Variants in RPL28 observed in about 807,000 individuals in gnomAD.
The protein encoded by RPL28 is large ribosomal subunit protein eL28.
RPL28 carries 4 observed loss-of-function variants against 12.5 expected under a neutral mutation model. The ratio of observed to expected loss-of-function variants is 0.32; its 90% confidence interval spans 0.16 to 0.73. The LOEUF (loss-of-function observed/expected upper bound fraction) is 0.73, where lower values mean the gene tolerates loss of function less well. RPL28 is among the 30% of genes least tolerant of loss of function. The pLI is 0.66. For synonymous variants in RPL28, 91 were observed against 72.5 expected, an observed-to-expected ratio of 1.26 and a Z score of -1.30; for missense variants, 214 against 197.7, an observed-to-expected ratio of 1.08 and a Z score of -0.49.
downstream of RPL28, chr19:55,403,296 C>A: frequency 1.8e-6 from 1 of 571,368 alleles, no homozygotes; most frequent in Non-Finnish European, 3.1e-6. Context: ...AGCAAAAAAG[C>A]CTCTAATGAG....
intron 3 of RPL28, chr19:55,387,545 A>T: frequency 7.0e-7 from 1 of 1,430,658 alleles, no homozygotes; most frequent in Non-Finnish European, 9.1e-7. Context: ...CTCTCAGCCA[A>T]GCTGATGTTG....
In RPL28 at chr19:55,389,704, C is replaced by T. The variant is rs1030795281; in HGVS notation, c.*1372C>T. ...AGCAGATCTGACCACTTGCCAGCCC[C>T]TGTCTGCTGTGAATTACCATTTCCT... On this transcript the variant is annotated 3_prime_UTR_variant, in exon 5 of 5. Transcript: ENST00000344063. The T allele has an allele frequency of 5.1e-6, 5 of 982,668 alleles. No individual in the cohort carries two copies. In the Admixed American group the frequency reaches 1.8e-4, roughly 36 times the overall value. The allele number at this position is 982,668 out of a possible 1,614,324, so 60.9% of individuals were successfully genotyped here.
At chr19:55,395,088 A>G (rs929319282), downstream of RPL28, among the ~76,000 whole-genome samples, 7 of 152,186 alleles carry the variant, frequency 4.6e-5, no homozygotes, top group African/African-American at 1.4e-4. Flanking sequence ...GAGTTGGAAT[A>G]CCATGTGATG....
At chr19:55,393,990 C>T (rs535936446), downstream of RPL28, among the ~76,000 whole-genome samples, 31 of 148,932 alleles carry the variant, frequency 2.1e-4, no homozygotes, top group East Asian at 4.7e-3. Flanking sequence ...CAGCTGGGTA[C>T]GGTGGCTCAC....
downstream of RPL28, among the ~76,000 whole-genome samples, chr19:55,395,107 CCTTT>C (rs756562393): frequency 1.7e-4 from 26 of 152,004 alleles, no homozygotes; most frequent in Non-Finnish European, 3.1e-4. Flanking sequence ...TGAATATTAG[CCTTT>C]CTTTTTTTTC....
At chr19:55,401,625 C>G (rs1358076881) in intron 4 of RPL28, 1 of 1,605,228 alleles carries the variant, frequency 6.2e-7, no homozygotes, top group Admixed American at 1.7e-5. Flanking sequence ...TGCCGCTGGG[C>G]CCGCCGGCGC....
At chr19:55,401,670 C>T (rs7608) in intron 4 of RPL28, 1,047,479 of 1,591,758 alleles carry the variant, frequency 0.66, 344,312 homozygotes, top group Non-Finnish European at 0.68. Flanking sequence ...GGGCCCGAGC[C>T]GCATACTCCT....
At chr19:55,396,481 C>T (rs1235724368), downstream of RPL28, among the ~76,000 whole-genome samples, 83 of 13,158 alleles carry the variant, frequency 6.3e-3, 6 homozygotes, top group African/African-American at 0.04. Context: ...AAGTTCTCCC[C>T]CCTCCCCTCC....
At chr19:55,388,189 G>C (rs760798767) in intron 4 of RPL28, 54 bp from the exon 5 acceptor site, 11 of 1,514,632 alleles carry the variant, frequency 7.3e-6, no homozygotes, top group Non-Finnish European at 9.8e-6. Context: ...ATTGGCCTAG[G>C]GGGCGGCTTG....
downstream of RPL28, among the ~76,000 whole-genome samples, chr19:55,396,477 T>TCCCCCCCCCCCCCCCCCC (rs112754863): frequency 1.6e-4 from 2 of 12,882 alleles, no homozygotes; most frequent in Admixed American, 9.5e-4. Flanking sequence ...AGGAAAGTTC[T>TCCCCCCCCCCCCCCCCCC]CCCCCCTCCC....
intron 3 of RPL28, 98 bp from the exon 4 acceptor site, chr19:55,387,832 T>A: frequency 6.7e-7 from 1 of 1,485,788 alleles, no homozygotes; most frequent in Non-Finnish European, 8.9e-7. Context: ...GGGCCCACGC[T>A]GCTCAGCTTC....
rs553404100 is a variant in RPL28, at chr19:55,388,377, G to T, written c.*45G>T. On this transcript the variant is annotated 3_prime_UTR_variant, in exon 5 of 5. Transcript: ENST00000344063. ...ATAAAGTCAGCTGGCTTTCTCACCTGCCTCGACTGGGCCTCCCTTTTTGAA... is the reference window on the plus strand; with the variant it reads ...ATAAAGTCAGCTGGCTTTCTCACCTTCCTCGACTGGGCCTCCCTTTTTGAA... 1 of 1,436,736 alleles carries T rather than the reference G, an allele frequency of 7.0e-7. No individual in the cohort carries two copies. Among genetic ancestry groups the T allele is most frequent in the Non-Finnish European group, 9.2e-7 (1 of 1,091,884 alleles). The allele number at this position is 1,436,736 out of a possible 1,614,324, so 89.0% of individuals were successfully genotyped here. A position where few individuals can be genotyped will look rare whatever the true frequency, so the allele number is the denominator to read the frequency against.
chr19:55,390,855 A>C lies in RPL28; in HGVS notation c.*2523A>C. On this transcript the variant is annotated 3_prime_UTR_variant, in exon 5 of 5. Coordinates refer to ENST00000344063, the MANE Select transcript of RPL28 (RefSeq NM_000991.5). ...CAGTGTGCTGAGCAAACGTGGAGAC[A>C]CCATTTCCCTCCTCTAGACCTCATC... is the stretch of plus-strand genomic sequence containing the variant. 2.0e-6 allele frequency: 2 copies of C among 985,382 alleles called. No individual in the cohort carries two copies. The highest frequency in any genetic ancestry group is 2.4e-6 in the Non-Finnish European group (2 of 829,908). 61.0% of individuals were successfully genotyped at this position (985,382 alleles called of 1,614,324 possible). A position where few individuals can be genotyped will look rare whatever the true frequency, so the allele number is the denominator to read the frequency against.
chr19:55,395,351 G>A (rs943841877), downstream of RPL28, among the ~76,000 whole-genome samples: 1 of 151,798 alleles, frequency 6.6e-6, no homozygotes, highest in Non-Finnish European at 1.5e-5. Flanking sequence ...GGCCAGGCTG[G>A]TCTTGAACTG....
In RPL28 at chr19:55,389,369, G is replaced by A; in HGVS notation, c.*1037G>A. 1.0e-6 allele frequency: 1 copy of A among 985,170 alleles called. No homozygotes were observed. Among genetic ancestry groups the A allele is most frequent in the Non-Finnish European group, 1.2e-6 (1 of 829,834 alleles). 61.0% of individuals were successfully genotyped at this position (985,170 alleles called of 1,614,324 possible). A position where few individuals can be genotyped will look rare whatever the true frequency, so the allele number is the denominator to read the frequency against. ...CCATGACACACAGTGAGGCCTGGAT[G>A]GGGAAAGAGTCCTGCTGTTGATCCT... On this transcript the variant is annotated 3_prime_UTR_variant, in exon 5 of 5. Coordinates refer to ENST00000344063, the MANE Select transcript of RPL28 (RefSeq NM_000991.5).
chr19:55,395,012 T>C (rs114852088), downstream of RPL28, among the ~76,000 whole-genome samples: 581 of 152,354 alleles, frequency 3.8e-3, 6 homozygotes, highest in African/African-American at 0.013. Context: ...GCATGTGTAT[T>C]TGCTTGTATA....
intron 3 of RPL28, chr19:55,386,934 G>A (rs1240601837): frequency 4.8e-6 from 7 of 1,472,566 alleles, no homozygotes; most frequent in Admixed American, 2.6e-5. Flanking sequence ...GAACTTCCTC[G>A]GTGGTTGTTG....
chr19:55,395,644 T>G (rs148197637), downstream of RPL28, among the ~76,000 whole-genome samples: 2 of 150,672 alleles, frequency 1.3e-5, no homozygotes, highest in South Asian at 2.1e-4. Flanking sequence ...GGGGTTTCAC[T>G]GTGTTAGCCA....
In RPL28 at chr19:55,391,887, AG is replaced by A; in HGVS notation, c.*3556del. 7.4e-7 allele frequency: 1 copy of A among 1,352,536 alleles called. No individual in the cohort carries two copies. The highest frequency in any genetic ancestry group is 1.8e-5 in the South Asian group (1 of 55,724). 83.8% of individuals were successfully genotyped at this position (1,352,536 alleles called of 1,614,324 possible). On this transcript the variant is annotated 3_prime_UTR_variant, in exon 5 of 5. Coordinates refer to ENST00000344063, the MANE Select transcript of RPL28 (RefSeq NM_000991.5). ...TGGAAGACATGCCAGATCCATGTGC[AG>A]TAATGCCTGGTGGCTCCAGGTCTGC...
Sources: gnomAD v4.1 joint callset for allele counts (sites outside exome capture counted in the v4.1 genomes callset) on GRCh38, gnomAD v4.1.1 for gene constraint, MANE v1.5 for transcripts, NCBI Gene and HGNC (gene_info 2026-07-23, HGNC 2026-07-21) for gene names.